CACUL1: variants seen among roughly 807,000 people sequenced by gnomAD.
The protein encoded by CACUL1 is CDK2-associated and cullin domain-containing protein 1.
A neutral mutation model predicts 45.2 loss-of-function variants in CACUL1; 13 were observed. The observed-to-expected ratio is 0.29, with a 90% confidence interval of 0.19 to 0.46. The LOEUF (loss-of-function observed/expected upper bound fraction) is 0.46. Ranked by LOEUF, CACUL1 falls within the 20% of genes least tolerant of loss-of-function variation. The pLI is 1.00. For synonymous variants in CACUL1, 197 were observed against 174.2 expected (o/e 1.13, Z -1.03); for missense variants, 421 against 471.4 (o/e 0.89, Z 0.99).
intron 5 of CACUL1, among the ~76,000 whole-genome samples, chr10:118,696,575 G>A (rs1389535203): frequency 2.6e-5 from 4 of 152,190 alleles, no homozygotes; most frequent in African/African-American, 7.2e-5. Flanking sequence ...CCTGGGAGGC[G>A]GAGGCTGCAG....
chr10:118,715,700 A>AC (rs1187836645), intron 3 of CACUL1, among the ~76,000 whole-genome samples: 1 of 151,892 alleles, frequency 6.6e-6, no homozygotes, highest in African/African-American at 2.4e-5. Context: ...TCCTCTACCT[A>AC]CCCCCATCCT....
At chr10:118,719,233 TATA>T (rs1378089784) in intron 3 of CACUL1, among the ~76,000 whole-genome samples, 10 of 152,248 alleles carry the variant, frequency 6.6e-5, no homozygotes, top group Non-Finnish European at 2.9e-5. Flanking sequence ...CATTTATTCC[TATA>T]ATAAGTACAA....
intron 3 of CACUL1, among the ~76,000 whole-genome samples, chr10:118,725,768 G>A (rs1845646382): frequency 6.6e-6 from 1 of 152,182 alleles, no homozygotes; most frequent in Non-Finnish European, 1.5e-5. Flanking sequence ...ATGCTGTCAT[G>A]TAAAAAATAT....
chr10:118,699,263 TAA>T (rs1324501057), intron 5 of CACUL1, among the ~76,000 whole-genome samples: 1 of 152,254 alleles, frequency 6.6e-6, no homozygotes, highest in Non-Finnish European at 1.5e-5. Flanking sequence ...AAGTATCTGA[TAA>T]ACTCAGTTTT....
chr10:118,714,212 C>T (rs764568866), intron 3 of CACUL1, among the ~76,000 whole-genome samples: 3 of 152,210 alleles, frequency 2.0e-5, no homozygotes, highest in Non-Finnish European at 2.9e-5. Flanking sequence ...ATGTTTTGTA[C>T]TCTATTCCAT....
In CACUL1 at chr10:118,695,248, GTTAAAAA is replaced by G; in HGVS notation, c.797-25_797-19del. On this transcript the variant is annotated intron_variant, in intron 5 of 8. Transcript: ENST00000369151. Reference sequence around the variant, plus strand: ...AAGTAAAGCTGAAATAAGAAAACAGGTTAAAAAGAATGTAACACATATTGACTGTCAA... The same window carrying G: ...AAGTAAAGCTGAAATAAGAAAACAGGGAATGTAACACATATTGACTGTCAA... 1.4e-6 allele frequency: 2 copies of G among 1,420,968 alleles called. No homozygotes were observed. The highest frequency in any genetic ancestry group is 2.0e-6 in the Non-Finnish European group (2 of 1,004,636). 88.0% of individuals were successfully genotyped at this position (1,420,968 alleles called of 1,614,324 possible).
intron 1 of CACUL1, among the ~76,000 whole-genome samples, chr10:118,753,223 A>G (rs1213746772): frequency 6.6e-6 from 1 of 152,242 alleles, no homozygotes; most frequent in East Asian, 1.9e-4. Flanking sequence ...AAGGAGAAAA[A>G]GCGTATATAA....
intron 3 of CACUL1, among the ~76,000 whole-genome samples, chr10:118,727,876 G>T (rs756984533): frequency 1.2e-4 from 18 of 152,196 alleles, no homozygotes; most frequent in Non-Finnish European, 2.1e-4. Flanking sequence ...GATTCAGGTA[G>T]AAATTCAGGT....
At position 118,677,819 on chromosome 10, in the gene CACUL1, C is replaced by T. The variant is rs1251809710; in HGVS notation, c.*8309G>A. On this transcript the variant is annotated 3_prime_UTR_variant, in exon 9 of 9. Coordinates refer to ENST00000369151, the MANE Select transcript of CACUL1 (RefSeq NM_153810.5). Reference sequence around the variant, plus strand: ...TACACATAATGCTGTTATAAACATCCCTGTATACGTTTCTTGGTACACATG... The same window carrying T: ...TACACATAATGCTGTTATAAACATCTCTGTATACGTTTCTTGGTACACATG... The T allele has an allele frequency of 6.6e-6, 1 of 152,122 alleles. No homozygotes were observed. The highest frequency in any genetic ancestry group is 2.4e-5 in the African/African-American group (1 of 41,412). 9.4% of individuals were successfully genotyped at this position (152,122 alleles called of 1,614,324 possible). A position where few individuals can be genotyped will look rare whatever the true frequency, so the allele number is the denominator to read the frequency against.
chr10:118,750,449 A>G (rs1422837468), intron 1 of CACUL1, among the ~76,000 whole-genome samples: 3 of 152,230 alleles, frequency 2.0e-5, no homozygotes, highest in East Asian at 3.8e-4. Flanking sequence ...AGTGACTCCA[A>G]TTTTAGTTGC....
At chr10:118,749,023 T>A (rs546476512) in intron 1 of CACUL1, among the ~76,000 whole-genome samples, 6 of 152,202 alleles carry the variant, frequency 3.9e-5, no homozygotes, top group African/African-American at 1.4e-4. Context: ...TCCAGACATA[T>A]GAAGAAAGGA....
At chr10:118,742,655 C>T (rs11816830) in intron 1 of CACUL1, among the ~76,000 whole-genome samples, 1 of 151,996 alleles carries the variant, frequency 6.6e-6, no homozygotes, top group Non-Finnish European at 1.5e-5. Context: ...TTACACACCC[C>T]CCTCCCAACA....
At chr10:118,726,577 G>C (rs1312354050) in intron 3 of CACUL1, among the ~76,000 whole-genome samples, 2 of 152,190 alleles carry the variant, frequency 1.3e-5, no homozygotes, top group Non-Finnish European at 2.9e-5. Context: ...TCGGTTTTGA[G>C]AGGAGTGCAG....
rs1292936227 is a variant in CACUL1, at chr10:118,683,171, C to T, written c.*2957G>A. 1 of 152,112 alleles carries T rather than the reference C, an allele frequency of 6.6e-6. No individual in the cohort carries two copies. The highest frequency in any genetic ancestry group is 6.5e-5 in the Admixed American group (1 of 15,274). 9.4% of individuals were successfully genotyped at this position (152,112 alleles called of 1,614,324 possible). Reference sequence around the variant, plus strand: ...CAATTATCGATTTACTTTTACATGTCATTTTTTCAAGATGACTGACCCGGC... The same window carrying T: ...CAATTATCGATTTACTTTTACATGTTATTTTTTCAAGATGACTGACCCGGC... On this transcript the variant is annotated 3_prime_UTR_variant, in exon 9 of 9. Transcript: ENST00000369151.
intron 7 of CACUL1, 127 bp downstream of exon 7, chr10:118,691,138 T>C: frequency 1.3e-6 from 1 of 773,898 alleles, no homozygotes; most frequent in Non-Finnish European, 2.1e-6. Context: ...TAATGTCTTC[T>C]TGCAGCAGCA....
chr10:118,687,621 A>G (rs1845221057), intron 7 of CACUL1, among the ~76,000 whole-genome samples: 1 of 152,178 alleles, frequency 6.6e-6, no homozygotes. Flanking sequence ...AGATTAGTTC[A>G]TGCCTCTCAT....
At chr10:118,719,462 G>A (rs548489459) in intron 3 of CACUL1, among the ~76,000 whole-genome samples, 6 of 152,090 alleles carry the variant, frequency 3.9e-5, no homozygotes, top group Non-Finnish European at 7.3e-5. Flanking sequence ...GATGTGTCAT[G>A]GCCCTAGAAG....
intron 3 of CACUL1, among the ~76,000 whole-genome samples, chr10:118,721,094 A>C (rs1845595337): frequency 6.6e-6 from 1 of 152,242 alleles, no homozygotes; most frequent in Admixed American, 6.5e-5. Context: ...TATTTGGAGG[A>C]AAGTTTTCTT....
rs1236108626 is a variant in CACUL1 at position 118,737,681 on chromosome 10, T to C, written c.368-7271A>G. ...AAATAGTAGAAACCTCCTTCATCACTACTATCTTAAAAAAAAAAAAAAAAA... is the reference window on the plus strand; with the variant it reads ...AAATAGTAGAAACCTCCTTCATCACCACTATCTTAAAAAAAAAAAAAAAAA... On this transcript the variant is annotated intron_variant, in intron 1 of 8. Coordinates refer to ENST00000369151, the MANE Select transcript of CACUL1 (RefSeq NM_153810.5). Among the ~76,000 whole-genome samples the C allele has an allele frequency of 3.6e-5, 4 of 112,250 alleles. No homozygotes were observed. The Admixed American group carries it at 4.4e-4, about 12-fold the overall frequency. 73.6% of individuals were successfully genotyped at this position (112,250 alleles called of 152,430 possible).
Sources: gnomAD v4.1 joint callset for allele counts (sites outside exome capture counted in the v4.1 genomes callset) on GRCh38, gnomAD v4.1.1 for gene constraint, MANE v1.5 for transcripts, NCBI Gene and HGNC (gene_info 2026-07-23, HGNC 2026-07-21) for gene names.